Variants in HLCS observed in about 807,000 individuals in gnomAD.
HLCS encodes biotin--protein ligase.
In HLCS, 53 loss-of-function variants were observed where a neutral mutation model predicts 75.0. The ratio of observed to expected loss-of-function variants is 0.71; its 90% CI spans 0.57 to 0.89. HLCS has a LOEUF of 0.89. Among genes scored for constraint, HLCS ranks in the 40% least tolerant of loss-of-function variants. The pLI is 0.00. For missense variants in HLCS, 966 were observed against 1,074.0 expected (o/e 0.90, Z 1.41); for synonymous variants, 431 against 428.6 (o/e 1.01, Z -0.07).
chr21:36,755,880 G>T (rs2089549147), intron 10 of HLCS, among the ~76,000 whole-genome samples: 1 of 152,226 alleles, frequency 6.6e-6, no homozygotes, highest in Admixed American at 6.5e-5. Context: ...TGCTTCCTGG[G>T]ATCTCACTTT....
chr21:36,898,918 G>A (rs1362544650), intron 5 of HLCS, among the ~76,000 whole-genome samples: 27 of 151,696 alleles, frequency 1.8e-4, no homozygotes, highest in Non-Finnish European at 2.9e-5. Context: ...AAAATTAGCC[G>A]GGCATGGTGG....
chr21:36,931,947 C>T (rs1183981450), intron 4 of HLCS, among the ~76,000 whole-genome samples: 2 of 152,104 alleles, frequency 1.3e-5, no homozygotes, highest in Non-Finnish European at 2.9e-5. Context: ...GTTTTCCCCC[C>T]ACATCCCCAA....
At chr21:36,799,069 C>T (rs1167729482) in intron 6 of HLCS, among the ~76,000 whole-genome samples, 1 of 151,944 alleles carries the variant, frequency 6.6e-6, no homozygotes, top group Non-Finnish European at 1.5e-5. Context: ...ATAGTTCATG[C>T]TTTTTGTGTC....
At chr21:36,953,596 G>T (rs1045251171) in intron 2 of HLCS, among the ~76,000 whole-genome samples, 1 of 151,956 alleles carries the variant, frequency 6.6e-6, no homozygotes, top group Non-Finnish European at 1.5e-5. Context: ...TCCTTAAGAC[G>T]CTGTACATCT....
At chr21:36,790,816 A>G (rs1225940902) in intron 6 of HLCS, among the ~76,000 whole-genome samples, 2 of 152,198 alleles carry the variant, frequency 1.3e-5, no homozygotes, top group African/African-American at 2.4e-5. Context: ...AGAGCACTTC[A>G]GGTTCTGGGA....
intron 9 of HLCS, among the ~76,000 whole-genome samples, chr21:36,758,713 T>C (rs1409965337): frequency 1.3e-5 from 2 of 152,168 alleles, no homozygotes; most frequent in African/African-American, 2.4e-5. Flanking sequence ...ACTGGGCAAG[T>C]GGCTCACGTC....
chr21:36,792,522 C>G (rs539726132), intron 6 of HLCS, among the ~76,000 whole-genome samples: 3 of 151,866 alleles, frequency 2.0e-5, no homozygotes, highest in African/African-American at 7.3e-5. Flanking sequence ...AGGAGGAGGA[C>G]GACCATGATC....
At chr21:36,788,808 C>T (rs1164480522) in intron 6 of HLCS, among the ~76,000 whole-genome samples, 1 of 152,172 alleles carries the variant, frequency 6.6e-6, no homozygotes, top group Non-Finnish European at 1.5e-5. Flanking sequence ...GGTGCAGTCA[C>T]GTGCCAGAGC....
chr21:36,968,613 T>G (rs1271101832), upstream of HLCS: 1 of 152,234 alleles, frequency 6.6e-6, no homozygotes, highest in Non-Finnish European at 1.5e-5. Flanking sequence ...ATTGTGTCAC[T>G]GGAGAAGGAC....
intron 5 of HLCS, among the ~76,000 whole-genome samples, chr21:36,897,600 T>C (rs903525125): frequency 6.6e-6 from 1 of 152,202 alleles, no homozygotes; most frequent in Non-Finnish European, 1.5e-5. Context: ...ACACTCGGTC[T>C]CAGCCTCACA....
In HLCS at chr21:36,759,796, C is replaced by T. The variant is rs984675997; in HGVS notation, c.2167G>A (p.Asp723Asn). The T allele has an allele frequency of 3.7e-6, 6 of 1,613,720 alleles. No homozygotes were observed. Among genetic ancestry groups the T allele is most frequent in the Non-Finnish European group, 5.1e-6 (6 of 1,179,622 alleles). Residue 723 changes from aspartate to asparagine, a missense_variant, in exon 9 of 11, where the codon GAC becomes AAC. Coordinates refer to ENST00000674895, the MANE Select transcript of HLCS (RefSeq NM_001352514.2). ...AGAACTCCGCCGATCTTCATGAGGT[C>T]ACTGTAATAAATATCGTTGGGCCAC... is the stretch of plus-strand genomic sequence containing the variant. ...VKWPNDIYYS[D>N]LMKIGGVLVN...
chr21:36,786,225 T>G (rs1296432556), intron 6 of HLCS, among the ~76,000 whole-genome samples: 1 of 152,216 alleles, frequency 6.6e-6, no homozygotes, highest in African/African-American at 2.4e-5. Flanking sequence ...TGTTTTATTT[T>G]GCTTGACATC....
At chr21:36,807,649 C>T (rs2061398675) in intron 6 of HLCS, among the ~76,000 whole-genome samples, 1 of 152,296 alleles carries the variant, frequency 6.6e-6, no homozygotes, top group Non-Finnish European at 1.5e-5. Flanking sequence ...TGAGTGACAG[C>T]ATGTGATGGT....
At chr21:36,973,515 T>C (rs1216575284) in intron 1 of HLCS, 1 of 152,174 alleles carries the variant, frequency 6.6e-6, no homozygotes, top group East Asian at 1.9e-4. Flanking sequence ...GAAATCCCCT[T>C]CTCAAGCCCT....
Position 36,930,206 on chromosome 21 carries a change from G to C in HLCS, c.1620+45C>G, listed in dbSNP as rs779771436. On this transcript the variant is annotated intron_variant, in intron 5 of 10. Transcript: ENST00000674895. ...AAGCAACGGGTCGCCACTGTGAAGA[G>C]GGCCACGTCACAGCGCGCTCTGCCC... 3.9e-6 allele frequency: 6 copies of C among 1,550,976 alleles called. No individual in the cohort carries two copies. In the East Asian group the frequency reaches 6.7e-5, roughly 17 times the overall value.
chr21:36,918,830 G>A (rs1212531882), intron 5 of HLCS, among the ~76,000 whole-genome samples: 1 of 152,152 alleles, frequency 6.6e-6, no homozygotes, highest in East Asian at 1.9e-4. Context: ...AAGTTACAGG[G>A]GTTAACATCA....
At chr21:36,814,948 C>T (rs988264427) in intron 6 of HLCS, among the ~76,000 whole-genome samples, 1 of 151,850 alleles carries the variant, frequency 6.6e-6, no homozygotes, top group African/African-American at 2.4e-5. Context: ...AGTGGGGGCC[C>T]TGTGAGGGCC....
intron 2 of HLCS, among the ~76,000 whole-genome samples, chr21:36,958,789 CA>C (rs35868871): frequency 0.62 from 93,012 of 150,134 alleles, 28,867 homozygotes; most frequent in East Asian, 0.75. Context: ...ACTCCATCTC[CA>C]AAAAAAAAAG....
intron 6 of HLCS, among the ~76,000 whole-genome samples, chr21:36,882,153 G>C (rs1370174936): frequency 6.6e-6 from 1 of 151,290 alleles, no homozygotes; most frequent in Non-Finnish European, 1.5e-5. Flanking sequence ...GTGGTGGCAG[G>C]TGCCTGTAGT....
Sources: allele counts gnomAD v4.1 joint callset (sites outside exome capture counted in the v4.1 genomes callset), GRCh38; gene constraint gnomAD v4.1.1; transcripts MANE v1.5; gene names NCBI Gene and HGNC (gene_info 2026-07-23, HGNC 2026-07-21).